The following USP49 variants were observed in gnomAD, a reference collection of about 807,000 sequenced individuals.
The protein encoded by USP49 is ubiquitin specific peptidase 49.
Under a neutral mutation model 58.6 loss-of-function variants are expected in USP49, and 24 were observed. The ratio of observed to expected loss-of-function variants is 0.41; its 90% CI spans 0.30 to 0.58. The LOEUF (loss-of-function observed/expected upper bound fraction) is 0.58, where lower values mean the gene tolerates loss of function less well. Among genes scored for constraint, USP49 ranks in the 20% least tolerant of loss-of-function variants. The pLI is 0.30. For synonymous variants in USP49, 408 were observed against 365.1 expected (o/e 1.12, Z -1.34); for missense variants, 703 against 866.1 (o/e 0.81, Z 2.36).
chr6:41,810,200 G>C (rs149626650), intron 3 of USP49, among the ~76,000 whole-genome samples: 21,181 of 151,410 alleles, frequency 0.14, 1,542 homozygotes, highest in East Asian at 0.25. Context: ...AATAAAATAG[G>C]CCGGGTGCAG....
rs893311193 is a variant in USP49 at position 41,796,610 on chromosome 6, T to C, written c.1990A>G (p.Arg664Gly). 1.4e-6 allele frequency: 1 copy of C among 717,424 alleles called. No individual in the cohort carries two copies. The highest frequency in any genetic ancestry group is 1.7e-5 in the African/African-American group (1 of 57,268). 44.4% of individuals were successfully genotyped at this position (717,424 alleles called of 1,614,324 possible). A position where few individuals can be genotyped will look rare whatever the true frequency, so the allele number is the denominator to read the frequency against. The part of the protein sequence containing the change: ...YTQRTVQGNA[R>G]ISETHLQAQV... The stretch of plus-strand genomic sequence containing the variant: ...GCTTGGAGATGGGTTTCTGAGATTC[T>C]TGCATTGCCCTGCACTGTTCTTTGA... The change falls in exon 8 of 8, where the codon AGA (arginine) becomes GGA (glycine). Residue 664 changes from arginine (R) to glycine (G), a missense_variant. By Grantham distance (125) the Arg-to-Gly change is moderately radical. Coordinates refer to ENST00000682992, the MANE Select transcript of USP49 (RefSeq NM_001286554.2).
chr6:41,855,952 G>A (rs965282507), intron 3 of USP49, among the ~76,000 whole-genome samples: 3 of 152,116 alleles, frequency 2.0e-5, no homozygotes, highest in African/African-American at 7.2e-5. Context: ...GGGGGCTGAG[G>A]CAGGAGGATC....
rs1772784181 is a variant in USP49 at position 41,790,796 on chromosome 6, C to T, written c.*5737G>A. The T allele has an allele frequency of 6.6e-6, 1 of 151,814 alleles. No individual in the cohort carries two copies. Among genetic ancestry groups the T allele is most frequent in the Non-Finnish European group, 1.5e-5 (1 of 67,962 alleles). The allele number at this position is 151,814 out of a possible 1,614,324, so 9.4% of individuals were successfully genotyped here. A position where few individuals can be genotyped will look rare whatever the true frequency, so the allele number is the denominator to read the frequency against. ...TTTGTATAAATCAGATAGATCTTAT[C>T]TGATAGATGAAGCTAAGACCCTTTG... is the stretch of plus-strand genomic sequence containing the variant. On this transcript the variant is annotated 3_prime_UTR_variant, in exon 8 of 8. Coordinates refer to ENST00000682992, the MANE Select transcript of USP49 (RefSeq NM_001286554.2).
intron 3 of USP49, among the ~76,000 whole-genome samples, chr6:41,857,463 G>A (rs1774150154): frequency 6.6e-6 from 1 of 152,074 alleles, no homozygotes; most frequent in Non-Finnish European, 1.5e-5. Context: ...TGGACAACAT[G>A]GCAAAATCCT....
chr6:41,864,346 T>C (rs1405142442), intron 3 of USP49, among the ~76,000 whole-genome samples: 2 of 152,124 alleles, frequency 1.3e-5, no homozygotes, highest in Non-Finnish European at 2.9e-5. Context: ...GCGGATCACC[T>C]GAGGTCAGGA....
intron 3 of USP49, among the ~76,000 whole-genome samples, chr6:41,867,490 TC>T (rs1375580684): frequency 6.6e-6 from 1 of 150,592 alleles, no homozygotes; most frequent in Non-Finnish European, 1.5e-5. Context: ...AAGCCTGTAA[TC>T]CCAGCACTCT....
intron 3 of USP49, among the ~76,000 whole-genome samples, chr6:41,838,086 G>A (rs369045098): frequency 6.6e-6 from 1 of 152,172 alleles, no homozygotes; most frequent in Non-Finnish European, 1.5e-5. Flanking sequence ...ATTTAACCCA[G>A]CAATCCCATT....
At chr6:41,811,587 G>T (rs1268326470) in intron 3 of USP49, among the ~76,000 whole-genome samples, 3 of 152,100 alleles carry the variant, frequency 2.0e-5, no homozygotes, top group Non-Finnish European at 4.4e-5. Flanking sequence ...AGGAGATTAT[G>T]TATATTTCTG....
chr6:41,877,487 T>C (rs115917514), intron 2 of USP49, among the ~76,000 whole-genome samples: 217 of 152,330 alleles, frequency 1.4e-3, no homozygotes, highest in African/African-American at 5.1e-3. Context: ...TTGTGTCCTG[T>C]TGACACAGCA....
At chr6:41,805,161 G>T (rs1456246865) in intron 4 of USP49, among the ~76,000 whole-genome samples, 1 of 152,136 alleles carries the variant, frequency 6.6e-6, no homozygotes, top group Non-Finnish European at 1.5e-5. Context: ...AAAGGTAATG[G>T]GGAACAGGAA....
intron 3 of USP49, 99 bp downstream of exon 3, chr6:41,871,464 GA>G (rs1352223632): frequency 6.6e-6 from 1 of 152,126 alleles, no homozygotes; most frequent in Non-Finnish European, 1.5e-5. Flanking sequence ...AACAGTAACT[GA>G]TCAATTACCC....
At chr6:41,839,015 G>T (rs1178824214) in intron 3 of USP49, among the ~76,000 whole-genome samples, 1 of 152,096 alleles carries the variant, frequency 6.6e-6, no homozygotes, top group Non-Finnish European at 1.5e-5. Context: ...AAAATTCTTG[G>T]AACTAAACGA....
chr6:41,801,591 T>A (rs1363708888), intron 5 of USP49, among the ~76,000 whole-genome samples: 1 of 152,232 alleles, frequency 6.6e-6, no homozygotes, highest in Non-Finnish European at 1.5e-5. Flanking sequence ...TGGCTAGGAA[T>A]CCTGGCAGTG....
intron 3 of USP49, among the ~76,000 whole-genome samples, chr6:41,851,952 C>CAA (rs67716441): frequency 0.011 from 621 of 54,806 alleles, 5 homozygotes; most frequent in African/African-American, 0.013. Flanking sequence ...AGACTCGTCT[C>CAA]AAAAAAAAAA....
chr6:41,864,298 C>T (rs1239465673), intron 3 of USP49, among the ~76,000 whole-genome samples: 1 of 152,166 alleles, frequency 6.6e-6, no homozygotes, highest in Non-Finnish European at 1.5e-5. Flanking sequence ...TGCAGTGGCT[C>T]ATGCCTGTAA....
Position 41,806,428 on chromosome 6 carries a change from GCGCCTCCTC to G in USP49, c.547_555del (p.Glu183_Ala185del). Reference sequence around the variant, plus strand: ...CGTTTCACCTCGCGCCGCCGCCTCCGCGCCTCCTCCTTCTTGCGCTCCAGGGCCTCCTCC... The same window carrying G: ...CGTTTCACCTCGCGCCGCCGCCTCCGCTTCTTGCGCTCCAGGGCCTCCTCC... On this transcript the variant is annotated inframe_deletion, in exon 4 of 8. Coordinates refer to ENST00000682992, the MANE Select transcript of USP49 (RefSeq NM_001286554.2). The surrounding 1 kb of genome is among the most constrained non-coding windows in gnomAD (Gnocchi z 5.9). The G allele has an allele frequency of 6.3e-7, 1 of 1,580,896 alleles. No homozygotes were observed. The highest frequency in any genetic ancestry group is 8.5e-7 in the Non-Finnish European group (1 of 1,171,948).
At chr6:41,809,784 G>A (rs1464202621) in intron 3 of USP49, among the ~76,000 whole-genome samples, 1 of 151,812 alleles carries the variant, frequency 6.6e-6, no homozygotes, top group Non-Finnish European at 1.5e-5. Flanking sequence ...CCGAGATTGC[G>A]CCACGGCACT....
chr6:41,805,372 CAATT>C lies in USP49; in HGVS notation c.1356+252_1356+255del, dbSNP rs546203794. The stretch of plus-strand genomic sequence containing the variant: ...ATTATATTACCCCTATCTTCAATAA[CAATT>C]AAAGATATTCACTGAAAATTAAGCG... On this transcript the variant is annotated intron_variant, in intron 4 of 7. Coordinates refer to ENST00000682992, the MANE Select transcript of USP49 (RefSeq NM_001286554.2). Among the ~76,000 whole-genome samples, 167 of 152,180 alleles carry C rather than the reference CAATT, an allele frequency of 1.1e-3. 1 individual carries two copies. Among genetic ancestry groups the C allele is most frequent in the African/African-American group, 3.4e-3 (143 of 41,506 alleles).
At chr6:41,814,242 A>C (rs1773309358) in intron 3 of USP49, among the ~76,000 whole-genome samples, 2 of 152,208 alleles carry the variant, frequency 1.3e-5, no homozygotes. Context: ...ACCTGACAAA[A>C]TATCAGCTTT....
Sources: allele counts gnomAD v4.1 joint callset (sites outside exome capture counted in the v4.1 genomes callset), GRCh38; gene constraint gnomAD v4.1.1; non-coding constraint Gnocchi (gnomAD v3.1); transcripts MANE v1.5; gene names NCBI Gene and HGNC (gene_info 2026-07-23, HGNC 2026-07-21).